Variants in STK10 observed in about 807,000 individuals in gnomAD.
STK10 encodes serine/threonine-protein kinase 10.
Under a neutral mutation model 113.8 loss-of-function variants are expected in STK10, and 78 were observed. The observed-to-expected ratio is 0.69, with a 90% CI of 0.57 to 0.83. The LOEUF (loss-of-function observed/expected upper bound fraction) is 0.83, where lower values mean the gene tolerates loss of function less well. STK10 is among the 40% of genes least tolerant of loss of function. The pLI, the probability that STK10 is intolerant of heterozygous loss-of-function variation, is 0.00. For missense variants in STK10, 1,109 were observed against 1,280.1 expected (o/e 0.87, Z 2.04); for synonymous variants, 465 against 494.7 (o/e 0.94, Z 0.80).
rs1769109238 is a variant in STK10, at chr5:172,106,412, A to AAAAAAAAAAAAAAAAAAT, written c.788+207_788+208insATTTTTTTTTTTTTTTTT. 2.1e-5 allele frequency among the ~76,000 whole-genome samples: 3 copies of AAAAAAAAAAAAAAAAAAT among 144,646 alleles called. No individual in the cohort carries two copies. In the Admixed American group the frequency reaches 2.1e-4, roughly 10 times the overall value. 94.9% of individuals were successfully genotyped at this position (144,646 alleles called of 152,430 possible). A position where few individuals can be genotyped will look rare whatever the true frequency, so the allele number is the denominator to read the frequency against. On this transcript the variant is annotated intron_variant, in intron 6 of 18. Transcript: ENST00000176763. ...GTGAGACCCTATCTCAAAAAAAAAA[A>AAAAAAAAAAAAAAAAAAT]AAAAAAGGAACACAAAGGGAAAAAG...
chr5:172,056,529 G>T lies in STK10; in HGVS notation c.2338-753C>A, dbSNP rs535029568. ...GAAAGAGAGAAATAAAGACAAAATG[G>T]AAAGGGAGGACAAAAAGAGGGAAAA... On this transcript the variant is annotated intron_variant, in intron 15 of 18. Transcript: ENST00000176763. 9.6e-4 allele frequency among the ~76,000 whole-genome samples: 146 copies of T among 152,122 alleles called. 1 individual carries two copies. In the Middle Eastern group the frequency reaches 0.02, roughly 21 times the overall value.
intron 18 of STK10, among the ~76,000 whole-genome samples, chr5:172,048,436 C>CACACACACACAT (rs1767545087): frequency 6.6e-6 from 1 of 151,656 alleles, no homozygotes; most frequent in Admixed American, 6.6e-5. Flanking sequence ...CACACACACA[C>CACACACACACAT]ACACACACAC....
At position 172,156,943 on chromosome 5, in the gene STK10, C is replaced by CGT. The variant is rs1275858081; in HGVS notation, c.157-156_157-155insAC. Among the ~76,000 whole-genome samples the CGT allele has an allele frequency of 2.6e-5, 4 of 152,322 alleles. No individual in the cohort carries two copies. The East Asian group carries it at 7.7e-4, about 29-fold the overall frequency. ...ATTGTTCTTAACAATAGCCACACAT[C>CGT]ATGTCTGTACTTAAGAGTAAGTACC... On this transcript the variant is annotated intron_variant, in intron 1 of 18. Coordinates refer to ENST00000176763, the MANE Select transcript of STK10 (RefSeq NM_005990.4).
chr5:172,085,047 C>T (rs557710605), intron 10 of STK10, among the ~76,000 whole-genome samples: 2 of 152,252 alleles, frequency 1.3e-5, no homozygotes, highest in African/African-American at 4.8e-5. Flanking sequence ...GAGTTCAAGA[C>T]CAGCCTGGGC....
chr5:172,109,637 ACT>A (rs1769192887), intron 4 of STK10, among the ~76,000 whole-genome samples: 1 of 151,866 alleles, frequency 6.6e-6, no homozygotes, highest in African/African-American at 2.4e-5. Flanking sequence ...GCATTCCAAC[ACT>A]CTCAGTCTTT....
At position 172,107,852 on chromosome 5, in the gene STK10, G is replaced by T. The variant is rs777412389; in HGVS notation, c.521C>A (p.Ala174Asp). 1.2e-6 allele frequency: 2 copies of T among 1,614,114 alleles called. No individual in the cohort carries two copies. The highest frequency in any genetic ancestry group is 2.2e-5 in the East Asian group (1 of 44,886). Residue 174 changes from alanine to aspartate, a missense_variant and splice_region_variant, in exon 5 of 19, where the codon GCT becomes GAT. Around this residue, in one of 5 missense-constraint regions of STK10, gnomAD observed 44 missense variants for 84.4 expected, o/e 0.52. Transcript: ENST00000176763. Reference protein sequence around the residue: ...LMTLEGDIRLADFGVSAKNLK... With the variant: ...LMTLEGDIRLDDFGVSAKNLK... ...ATTCTTGGCAGACACACCAAAGTCA[G>T]CTGCAAGACAAAATCTCAGCTAGCG...
intron 1 of STK10, among the ~76,000 whole-genome samples, chr5:172,178,469 G>A (rs1356120360): frequency 6.6e-6 from 1 of 152,112 alleles, no homozygotes; most frequent in Non-Finnish European, 1.5e-5. Flanking sequence ...AGCACCTTTC[G>A]GTCTCCTCCC....
chr5:172,183,260 C>G (rs1770895128), intron 1 of STK10, among the ~76,000 whole-genome samples: 1 of 152,128 alleles, frequency 6.6e-6, no homozygotes, highest in Admixed American at 6.6e-5. Context: ...AACCCAACTC[C>G]TTTCATTTCT....
chr5:172,176,545 G>A (rs1014615682), intron 1 of STK10, among the ~76,000 whole-genome samples: 1 of 152,150 alleles, frequency 6.6e-6, no homozygotes, highest in Non-Finnish European at 1.5e-5. Flanking sequence ...TGGGCAGCCA[G>A]GAATCCTGGC....
chr5:172,088,079 A>G (rs1376101556), intron 10 of STK10, among the ~76,000 whole-genome samples: 1 of 151,796 alleles, frequency 6.6e-6, no homozygotes, highest in Non-Finnish European at 1.5e-5. Flanking sequence ...GTATGTGCCC[A>G]GCTAATTTTA....
intron 2 of STK10, among the ~76,000 whole-genome samples, chr5:172,143,304 G>A (rs1581176175): frequency 6.6e-6 from 1 of 152,300 alleles, no homozygotes; most frequent in East Asian, 1.9e-4. Context: ...GGCAGAGGCT[G>A]CAGTGAGCCG....
Position 172,105,712 on chromosome 5 carries a change from T to G in STK10, c.814A>C (p.Lys272Gln). 1 of 1,613,770 alleles carries G rather than the reference T, an allele frequency of 6.2e-7. No individual in the cohort carries two copies. Among genetic ancestry groups the G allele is most frequent in the Non-Finnish European group, 8.5e-7 (1 of 1,179,994 alleles). Residue 272 changes from lysine to glutamine, a missense_variant, in exon 7 of 19, where the codon AAG becomes CAG. By Grantham distance (53) the Lys-to-Gln change is moderately conservative (BLOSUM62 1). Transcript: ENST00000176763. ...TCTGGGTTCTTATCCAGGGCTATCTTCAGGAAGTCACGGAACTCTACAGAC... is the reference window on the plus strand; with the variant it reads ...TCTGGGTTCTTATCCAGGGCTATCTGCAGGAAGTCACGGAACTCTACAGAC... ...KWSVEFRDFL[K>Q]IALDKNPETR...
chr5:172,168,467 G>A (rs574322739), intron 1 of STK10, among the ~76,000 whole-genome samples: 1 of 152,276 alleles, frequency 6.6e-6, no homozygotes, highest in East Asian at 1.9e-4. Flanking sequence ...GCCCACTAAG[G>A]CCCCTGGCTG....
rs1581195847 is a variant in STK10, at chr5:172,185,844, C to G, written c.156+2043G>C. Among the ~76,000 whole-genome samples, 2 of 152,204 alleles carry G rather than the reference C, an allele frequency of 1.3e-5. 1 individual carries two copies. Among genetic ancestry groups the G allele is most frequent in the Middle Eastern group, 6.3e-3 (2 of 316 alleles). ...GAGGACAGGGTGAGCTGGCTGCCCT[C>G]AAATATGGGCAAGGCCCTCAGGCAA... On this transcript the variant is annotated intron_variant, in intron 1 of 18. Coordinates refer to ENST00000176763, the MANE Select transcript of STK10 (RefSeq NM_005990.4).
chr5:172,122,570 C>G (rs1351758836), intron 3 of STK10, among the ~76,000 whole-genome samples: 2 of 152,216 alleles, frequency 1.3e-5, no homozygotes, highest in African/African-American at 4.8e-5. Context: ...ACATCTAATT[C>G]TAGCCTCTCA....
At chr5:172,153,624 C>G (rs531764266) in intron 2 of STK10, among the ~76,000 whole-genome samples, 1 of 152,316 alleles carries the variant, frequency 6.6e-6, no homozygotes, top group African/African-American at 2.4e-5. Context: ...ATCCCAAAGT[C>G]CCTGAGAGCA....
intron 12 of STK10, among the ~76,000 whole-genome samples, chr5:172,065,751 C>G (rs1488818006): frequency 6.6e-6 from 1 of 152,208 alleles, no homozygotes; most frequent in Non-Finnish European, 1.5e-5. Flanking sequence ...TACCTGCTGT[C>G]CTCTGGGGTT....
At chr5:172,072,543 C>G (rs533181127) in intron 12 of STK10, among the ~76,000 whole-genome samples, 62 of 152,332 alleles carry the variant, frequency 4.1e-4, no homozygotes, top group African/African-American at 1.5e-3. Context: ...GCTAGGATTA[C>G]AGGCGTGAGC....
Position 172,064,632 on chromosome 5 carries a change from G to T in STK10, c.2082+88C>A, listed in dbSNP as rs546505303. The T allele has an allele frequency of 1.2e-5, 16 of 1,389,196 alleles. No individual in the cohort carries two copies. In the African/African-American group the frequency reaches 2.1e-4, roughly 18 times the overall value. 86.1% of individuals were successfully genotyped at this position (1,389,196 alleles called of 1,614,324 possible). On this transcript the variant is annotated intron_variant, in intron 13 of 18. Coordinates refer to ENST00000176763, the MANE Select transcript of STK10 (RefSeq NM_005990.4). ...TCAGAACGGGGTATTTGAGGGGCAGGGATTGGGCAAAGGCAGAGAGGGGGC... is the reference window on the plus strand; with the variant it reads ...TCAGAACGGGGTATTTGAGGGGCAGTGATTGGGCAAAGGCAGAGAGGGGGC...
Sources: allele counts gnomAD v4.1 joint callset (sites outside exome capture counted in the v4.1 genomes callset), GRCh38; gene constraint gnomAD v4.1.1; regional missense constraint gnomAD v4.1.1; transcripts MANE v1.5; gene names NCBI Gene and HGNC (gene_info 2026-07-23, HGNC 2026-07-21).